KLHL29: variants seen among roughly 807,000 people sequenced by gnomAD.
KLHL29 encodes kelch like family member 29.
A neutral mutation model predicts 80.4 loss-of-function variants in KLHL29; 21 were observed. The observed-to-expected ratio is 0.26, with a 90% confidence interval of 0.19 to 0.38. KLHL29 has a LOEUF of 0.38. Among genes scored for constraint, KLHL29 ranks in the 10% least tolerant of loss-of-function variants. The pLI, the probability that KLHL29 is intolerant of heterozygous loss-of-function variation, is 1.00. For missense variants in KLHL29, 867 were observed against 1,223.9 expected, an observed-to-expected ratio of 0.71 and a Z score of 4.35; for synonymous variants, 511 against 526.8, an observed-to-expected ratio of 0.97 and a Z score of 0.41.
chr2:23,586,299 A>G (rs1054178891), intron 3 of KLHL29, among the ~76,000 whole-genome samples: 1 of 151,944 alleles, frequency 6.6e-6, no homozygotes, highest in African/African-American at 2.4e-5. Context: ...TTATCACCCC[A>G]AAAGGAATCC....
chr2:23,445,374 A>G (rs757444680), intron 1 of KLHL29, among the ~76,000 whole-genome samples: 2 of 152,166 alleles, frequency 1.3e-5, no homozygotes, highest in Non-Finnish European at 2.9e-5. Flanking sequence ...CATGTCCTCT[A>G]TATTCTTCTT....
At chr2:23,617,316 C>A (rs959057895) in intron 3 of KLHL29, 3 of 152,206 alleles carry the variant, frequency 2.0e-5, no homozygotes, top group African/African-American at 7.2e-5. Context: ...CCAGGCTGGC[C>A]CATGGTCACT....
At chr2:23,477,628 G>A (rs1664674960) in intron 2 of KLHL29, among the ~76,000 whole-genome samples, 1 of 152,358 alleles carries the variant, frequency 6.6e-6, no homozygotes, top group East Asian at 1.9e-4. Flanking sequence ...GGCACCACTG[G>A]TGGGCGACAG....
At chr2:23,432,729 G>A (rs1663217455) in intron 1 of KLHL29, among the ~76,000 whole-genome samples, 1 of 152,226 alleles carries the variant, frequency 6.6e-6, no homozygotes, top group South Asian at 2.1e-4. Flanking sequence ...TGGAGGAGCT[G>A]TGCAGGTGCT....
intron 2 of KLHL29, among the ~76,000 whole-genome samples, chr2:23,479,426 C>T (rs1312701159): frequency 6.6e-6 from 1 of 152,122 alleles, no homozygotes; most frequent in Non-Finnish European, 1.5e-5. Context: ...AGTGGCCTCT[C>T]CTCCTGCTTC....
chr2:23,662,886 G>T (rs563574976), intron 5 of KLHL29, among the ~76,000 whole-genome samples: 8 of 152,166 alleles, frequency 5.3e-5, no homozygotes, highest in African/African-American at 1.9e-4. Flanking sequence ...GTTGAAAGCC[G>T]TAAATGCAAG....
At chr2:23,604,675 C>T (rs570268973) in intron 3 of KLHL29, among the ~76,000 whole-genome samples, 8 of 152,170 alleles carry the variant, frequency 5.3e-5, no homozygotes, top group Non-Finnish European at 8.8e-5. Context: ...GAGCAAGTCA[C>T]TTGGAGTCAT....
intron 7 of KLHL29, among the ~76,000 whole-genome samples, chr2:23,692,589 C>T (rs973273274): frequency 1.3e-5 from 2 of 152,162 alleles, no homozygotes; most frequent in Non-Finnish European, 2.9e-5. Context: ...CCAGGAACCA[C>T]GATGGCAGTG....
chr2:23,461,720 T>C (rs113266517), intron 1 of KLHL29, among the ~76,000 whole-genome samples: 869 of 42,968 alleles, frequency 0.02, 14 homozygotes, highest in African/African-American at 0.066. Flanking sequence ...TTATCTTTGC[T>C]GGGGGGGCAG....
chr2:23,701,801 T>C (rs1052722323), intron 11 of KLHL29, among the ~76,000 whole-genome samples: 3 of 138,310 alleles, frequency 2.2e-5, no homozygotes, highest in African/African-American at 5.5e-5. Context: ...TGCTTTTTTT[T>C]TTTTTTTTTT....
At chr2:23,424,973 C>G (rs572132441) in intron 1 of KLHL29, among the ~76,000 whole-genome samples, 28 of 152,090 alleles carry the variant, frequency 1.8e-4, no homozygotes, top group Non-Finnish European at 3.8e-4. Flanking sequence ...ATGTTGGTCC[C>G]CAAACCAAAA....
At chr2:23,459,359 G>A (rs1040593158) in intron 1 of KLHL29, among the ~76,000 whole-genome samples, 7 of 152,146 alleles carry the variant, frequency 4.6e-5, no homozygotes, top group Non-Finnish European at 1.0e-4. Context: ...GAGAGAATAT[G>A]TTTTGGAGAG....
At chr2:23,605,621 T>G (rs1400350904) in intron 3 of KLHL29, among the ~76,000 whole-genome samples, 1 of 152,162 alleles carries the variant, frequency 6.6e-6, no homozygotes, top group Non-Finnish European at 1.5e-5. Context: ...CCTTAGTGAT[T>G]AGACTGCCCA....
chr2:23,543,900 C>G (rs1401616067), intron 2 of KLHL29, among the ~76,000 whole-genome samples: 1 of 152,264 alleles, frequency 6.6e-6, no homozygotes, highest in East Asian at 1.9e-4. Context: ...GCCTGCCCAC[C>G]CCGGGCTGGT....
chr2:23,585,872 T>C (rs1344497415), intron 3 of KLHL29, among the ~76,000 whole-genome samples: 4 of 152,142 alleles, frequency 2.6e-5, no homozygotes, highest in African/African-American at 9.7e-5. Context: ...CTTTATTTGC[T>C]CTACCACCGG....
chr2:23,504,595 T>C (rs1433417715), intron 2 of KLHL29, among the ~76,000 whole-genome samples: 3 of 152,174 alleles, frequency 2.0e-5, no homozygotes, highest in Non-Finnish European at 4.4e-5. Flanking sequence ...AGGCCCAGCC[T>C]TCCCTGAAAG....
intron 1 of KLHL29, among the ~76,000 whole-genome samples, chr2:23,412,122 A>AGG (rs33951812): frequency 8.9e-4 from 106 of 118,576 alleles, no homozygotes; most frequent in South Asian, 4.0e-3. Flanking sequence ...GTGTGCGTGA[A>AGG]GGGGGGGGGG....
intron 1 of KLHL29, among the ~76,000 whole-genome samples, chr2:23,472,623 G>A (rs1484386467): frequency 6.6e-6 from 1 of 152,096 alleles, no homozygotes. Context: ...AACAGAGTGA[G>A]ACTCCATCTC....
intron 2 of KLHL29, among the ~76,000 whole-genome samples, chr2:23,494,680 A>AC (rs1444070336): frequency 6.6e-6 from 1 of 152,168 alleles, no homozygotes; most frequent in Non-Finnish European, 1.5e-5. Context: ...GGCATGAGTG[A>AC]CCCCAAACCC....
Sources: allele counts gnomAD v4.1 joint callset (sites outside exome capture counted in the v4.1 genomes callset), GRCh38; gene constraint gnomAD v4.1.1; transcripts MANE v1.5; gene names NCBI Gene and HGNC (gene_info 2026-07-23, HGNC 2026-07-21).